The following PDE4D variants were observed in gnomAD, a reference collection of about 807,000 sequenced individuals.
PDE4D encodes the protein phosphodiesterase 4D, also known as 3',5'-cyclic-AMP phosphodiesterase 4D.
PDE4D carries 24 observed loss-of-function variants against 87.4 expected under a neutral mutation model. That is an observed-to-expected ratio of 0.27 (90% CI 0.20 to 0.39). The LOEUF is 0.39. PDE4D is among the 10% of genes least tolerant of loss of function. The pLI is 1.00. For missense variants in PDE4D, 714 were observed against 1,041.0 expected, an observed-to-expected ratio of 0.69 and a Z score of 4.32; for synonymous variants, 384 against 383.2, an observed-to-expected ratio of 1.00 and a Z score of -0.02.
intron 1 of PDE4D, among the ~76,000 whole-genome samples, chr5:59,438,406 C>G (rs1057455390): frequency 6.6e-6 from 1 of 152,158 alleles, no homozygotes; most frequent in Non-Finnish European, 1.5e-5. Context: ...GCCCTGTACA[C>G]TGTTCTATAT....
intron 1 of PDE4D, among the ~76,000 whole-genome samples, chr5:59,641,749 G>A (rs1487914848): frequency 2.0e-5 from 3 of 151,974 alleles, no homozygotes; most frequent in Non-Finnish European, 4.4e-5. Flanking sequence ...AATTAAAATA[G>A]CATATTCATT....
At chr5:60,066,299 A>G (rs543969271) in intron 2 of PDE4D, among the ~76,000 whole-genome samples, 1 of 151,944 alleles carries the variant, frequency 6.6e-6, no homozygotes, top group Admixed American at 6.6e-5. Context: ...TTTTTCTTGT[A>G]AATTTGTTTG....
intron 1 of PDE4D, among the ~76,000 whole-genome samples, chr5:59,627,370 G>T (rs942102604): frequency 6.6e-6 from 1 of 152,164 alleles, no homozygotes; most frequent in Non-Finnish European, 1.5e-5. Flanking sequence ...ATTTAAAAAT[G>T]TTCCAAATTC....
At chr5:59,175,032 T>C (rs1291094851) in intron 5 of PDE4D, among the ~76,000 whole-genome samples, 1 of 152,212 alleles carries the variant, frequency 6.6e-6, no homozygotes. Flanking sequence ...TGCAGAATGC[T>C]TGCCTTGAGC....
chr5:60,317,053 G>C (rs1237433053), intron 1 of PDE4D, among the ~76,000 whole-genome samples: 1 of 152,196 alleles, frequency 6.6e-6, no homozygotes, highest in East Asian at 1.9e-4. Context: ...AACAGTTTCA[G>C]AAGGAATGGT....
intron 1 of PDE4D, among the ~76,000 whole-genome samples, chr5:59,259,345 C>T (rs558910184): frequency 4.7e-4 from 71 of 151,954 alleles, no homozygotes; most frequent in African/African-American, 1.4e-3. Flanking sequence ...TCAGAATCCA[C>T]CCCCATCTCT....
intron 1 of PDE4D, among the ~76,000 whole-genome samples, chr5:59,388,329 AC>A (rs1372280423): frequency 8.5e-5 from 13 of 152,120 alleles, no homozygotes; most frequent in African/African-American, 3.1e-4. Context: ...ACCTGTTAGT[AC>A]AAAAAAGATG....
intron 4 of PDE4D, among the ~76,000 whole-genome samples, chr5:59,183,693 C>T (rs1313261019): frequency 2.0e-5 from 3 of 152,120 alleles, no homozygotes. Flanking sequence ...CCAAGGGGGC[C>T]GCTGAGGTCA....
intron 1 of PDE4D, among the ~76,000 whole-genome samples, chr5:60,404,334 T>A (rs1741353870): frequency 8.0e-6 from 1 of 124,246 alleles, no homozygotes. Context: ...TTATTTTGGT[T>A]GGAACAATGG....
chr5:59,103,354 C>A (rs937014696), intron 5 of PDE4D, among the ~76,000 whole-genome samples: 1 of 152,034 alleles, frequency 6.6e-6, no homozygotes. Context: ...GAATTAAGGG[C>A]AATTAGGTCA....
At chr5:59,553,018 T>C (rs1818363996) in intron 1 of PDE4D, among the ~76,000 whole-genome samples, 1 of 152,202 alleles carries the variant, frequency 6.6e-6, no homozygotes, top group Non-Finnish European at 1.5e-5. Flanking sequence ...AGAAAGTCTC[T>C]GTGCCTGACA....
chr5:59,772,829 G>A (rs1207483782), intron 1 of PDE4D, among the ~76,000 whole-genome samples: 1 of 152,196 alleles, frequency 6.6e-6, no homozygotes, highest in African/African-American at 2.4e-5. Flanking sequence ...AGGTTATGTT[G>A]TCTACTGGAT....
chr5:59,237,542 T>C (rs1430632355), intron 1 of PDE4D, among the ~76,000 whole-genome samples: 1 of 152,178 alleles, frequency 6.6e-6, no homozygotes, highest in African/African-American at 2.4e-5. Flanking sequence ...TCTTATGATT[T>C]TCCTGCACTG....
chr5:60,272,748 G>T (rs1750944702), intron 1 of PDE4D, among the ~76,000 whole-genome samples: 1 of 152,128 alleles, frequency 6.6e-6, no homozygotes, highest in Non-Finnish European at 1.5e-5. Flanking sequence ...AGGATATAAA[G>T]AATTTAATTG....
chr5:59,727,755 A>G (rs533763305), intron 1 of PDE4D, among the ~76,000 whole-genome samples: 1 of 152,194 alleles, frequency 6.6e-6, no homozygotes, highest in South Asian at 2.1e-4. Flanking sequence ...ATGGAACCAA[A>G]TAAGACCCAT....
intron 2 of PDE4D, among the ~76,000 whole-genome samples, chr5:60,168,432 G>C (rs1354755822): frequency 6.6e-6 from 1 of 152,056 alleles, no homozygotes; most frequent in Non-Finnish European, 1.5e-5. Context: ...CCATTCCACT[G>C]TAGGCTCCCC....
intron 1 of PDE4D, among the ~76,000 whole-genome samples, chr5:59,441,411 T>C (rs1797597506): frequency 6.6e-6 from 1 of 152,218 alleles, no homozygotes; most frequent in Non-Finnish European, 1.5e-5. Flanking sequence ...ATCTTTTTAA[T>C]ATGAAAACCT....
chr5:60,130,696 G>C (rs577939182), intron 2 of PDE4D, among the ~76,000 whole-genome samples: 1 of 152,184 alleles, frequency 6.6e-6, no homozygotes, highest in South Asian at 2.1e-4. Context: ...CTTGTCTTGG[G>C]GCTACTATCA....
intron 2 of PDE4D, among the ~76,000 whole-genome samples, chr5:60,045,544 G>C (rs1466291800): frequency 2.0e-5 from 3 of 152,052 alleles, no homozygotes; most frequent in African/African-American, 7.2e-5. Flanking sequence ...TTTGTATAAG[G>C]TGTAAGGAAG....
Sources: allele counts gnomAD v4.1 joint callset (sites outside exome capture counted in the v4.1 genomes callset), GRCh38; gene constraint gnomAD v4.1.1; transcripts MANE v1.5; gene names NCBI Gene and HGNC (gene_info 2026-07-23, HGNC 2026-07-21).